Variants in PYROXD1 observed in about 807,000 individuals in gnomAD.
PYROXD1 encodes the protein tRNA ligase complex-associated NAD(P)H dehydrogenase PYROXD1.
In PYROXD1, 42 loss-of-function variants were observed where a neutral mutation model predicts 62.0. The observed-to-expected ratio is 0.68, with a 90% confidence interval of 0.53 to 0.88. The LOEUF (loss-of-function observed/expected upper bound fraction) is 0.88. Ranked by LOEUF, PYROXD1 falls within the 40% of genes least tolerant of loss-of-function variation. The pLI is 0.00. For missense variants in PYROXD1, 493 were observed against 604.8 expected (o/e 0.82, Z 1.94); for synonymous variants, 170 against 206.4 (o/e 0.82, Z 1.51).
chr12:21,447,413 A>T (rs1418246304), intron 3 of PYROXD1: 1 of 152,214 alleles, frequency 6.6e-6, no homozygotes, highest in Admixed American at 6.5e-5. Context: ...GGGCTCTCAA[A>T]ATATGCTAAA....
rs375078472 is a variant in PYROXD1, at chr12:21,447,208, T to C, written c.285+1742T>C. Among the ~76,000 whole-genome samples, 126 of 152,332 alleles carry C rather than the reference T, an allele frequency of 8.3e-4. 1 individual carries two copies. In the South Asian group the frequency reaches 0.025, roughly 31 times the overall value. ...TGAGTTCTAGCTCATAAATTAGAGA[T>C]GTGTTTTATCTCCTTTAGGGATAAA... is the stretch of plus-strand genomic sequence containing the variant. On this transcript the variant is annotated intron_variant, in intron 3 of 11. Coordinates refer to ENST00000240651, the MANE Select transcript of PYROXD1 (RefSeq NM_024854.5).
intron 10 of PYROXD1, among the ~76,000 whole-genome samples, chr12:21,466,511 AT>A (rs1243339632): frequency 6.6e-6 from 1 of 152,098 alleles, no homozygotes; most frequent in African/African-American, 2.4e-5. Context: ...TTGCACATTG[AT>A]TTTGTATCCT....
chr12:21,455,369 T>A, intron 6 of PYROXD1, 77 bp downstream of exon 6: 1 of 890,658 alleles, frequency 1.1e-6, no homozygotes, highest in Non-Finnish European at 1.6e-6. Flanking sequence ...ACAAGAAAAT[T>A]TAATAAAATA....
Position 21,470,711 on chromosome 12 carries a change from C to A in PYROXD1, c.*1957C>A. 3.1e-6 allele frequency: 1 copy of A among 323,170 alleles called. No individual in the cohort carries two copies. The highest frequency in any genetic ancestry group is 5.6e-5 in the East Asian group (1 of 17,786). 20.0% of individuals were successfully genotyped at this position (323,170 alleles called of 1,614,324 possible). A position where few individuals can be genotyped will look rare whatever the true frequency, so the allele number is the denominator to read the frequency against. ...AACCAAATAAGAGCAGAGTGCATAA[C>A]AAAATTAGATATTCAAACGGAGTCC... On this transcript the variant is annotated 3_prime_UTR_variant, in exon 12 of 12. Coordinates refer to ENST00000240651, the MANE Select transcript of PYROXD1 (RefSeq NM_024854.5).
intron 7 of PYROXD1, among the ~76,000 whole-genome samples, chr12:21,456,370 G>A (rs937959781): frequency 6.6e-6 from 1 of 152,032 alleles, no homozygotes; most frequent in Non-Finnish European, 1.5e-5. Context: ...AGTATTGCAG[G>A]TTCAGTCCCA....
At chr12:21,437,847 C>T (rs762036054) in intron 1 of PYROXD1, 33 bp downstream of exon 1, 24 of 1,593,130 alleles carry the variant, frequency 1.5e-5, no homozygotes, top group East Asian at 1.1e-4. Context: ...CCGCCTCTTT[C>T]CCCGACCCCA....
intron 7 of PYROXD1, 93 bp from the exon 8 acceptor site, chr12:21,460,932 C>A: frequency 1.3e-6 from 1 of 777,410 alleles, no homozygotes; most frequent in Non-Finnish European, 1.9e-6. Context: ...GTTTTCTATA[C>A]ATTTCTACAA....
At chr12:21,468,476 T>C (rs201100758) in intron 11 of PYROXD1, 30 bp from the exon 12 acceptor site, 2 of 1,588,084 alleles carry the variant, frequency 1.3e-6, no homozygotes, top group East Asian at 2.3e-5. Context: ...ATGATACTCA[T>C]GACAATAACC....
At chr12:21,451,869 C>T (rs966117296) in intron 4 of PYROXD1, among the ~76,000 whole-genome samples, 1 of 152,008 alleles carries the variant, frequency 6.6e-6, no homozygotes, top group Non-Finnish European at 1.5e-5. Flanking sequence ...AGAGGCATTG[C>T]TATAAAGGCA....
intron 8 of PYROXD1, 43 bp from the exon 9 acceptor site, chr12:21,461,965 A>C: frequency 8.1e-7 from 1 of 1,230,438 alleles, no homozygotes; most frequent in Non-Finnish European, 1.2e-6. Flanking sequence ...TGATGGTTCC[A>C]TTTACAAATA....
intron 10 of PYROXD1, among the ~76,000 whole-genome samples, chr12:21,463,949 T>C (rs968365690): frequency 1.3e-5 from 2 of 152,158 alleles, no homozygotes; most frequent in African/African-American, 4.8e-5. Flanking sequence ...CATTATTCAT[T>C]CAGATTATGC....
intron 5 of PYROXD1, among the ~76,000 whole-genome samples, chr12:21,454,368 G>A (rs2137266328): frequency 6.6e-6 from 1 of 152,046 alleles, no homozygotes; most frequent in East Asian, 1.9e-4. Context: ...TCCACCAGTT[G>A]TACCAAAAAT....
In PYROXD1 at chr12:21,462,314, T is replaced by G. The variant is rs3825289; in HGVS notation, c.993+194T>G. ...TAAAATCCTTACATAGTTATATCCT[T>G]GCATAAGCGTCATCAGTAATGGTTT... On this transcript the variant is annotated intron_variant, in intron 9 of 11. Transcript: ENST00000240651. 0.49 allele frequency among the ~76,000 whole-genome samples: 74,739 copies of G among 151,884 alleles called. 18,443 individuals are homozygous for G. The highest frequency in any genetic ancestry group is 0.59 in the Middle Eastern group (173 of 294).
Position 21,451,412 on chromosome 12 carries a change from G to A in PYROXD1, c.415-669G>A, listed in dbSNP as rs1011194537. Among the ~76,000 whole-genome samples the A allele has an allele frequency of 4.0e-5, 6 of 151,674 alleles. No individual in the cohort carries two copies. In the South Asian group the frequency reaches 8.4e-4, roughly 21 times the overall value. ...GATCTTTTTTTTCTGGGGGGTGGAG[G>A]CATCAATGTATCTGTCTTAGAATGT... On this transcript the variant is annotated intron_variant, in intron 4 of 11. Transcript: ENST00000240651.
chr12:21,461,502 A>C (rs539278383), intron 8 of PYROXD1, among the ~76,000 whole-genome samples: 1 of 152,316 alleles, frequency 6.6e-6, no homozygotes, highest in East Asian at 1.9e-4. Context: ...ACTAAGATGC[A>C]GCTCTCCTAA....
At chr12:21,458,125 A>G (rs1317008156) in intron 7 of PYROXD1, among the ~76,000 whole-genome samples, 2 of 152,108 alleles carry the variant, frequency 1.3e-5, no homozygotes, top group Non-Finnish European at 2.9e-5. Flanking sequence ...ATCTTTTTCC[A>G]CTGGAAGGCT....
chr12:21,452,201 T>C, intron 5 of PYROXD1, 47 bp downstream of exon 5: 4 of 1,203,158 alleles, frequency 3.3e-6, no homozygotes, highest in South Asian at 2.1e-5. Context: ...TGTTTAAAAA[T>C]AATTTGTTTT....
At chr12:21,439,355 A>G (rs2137235910) in intron 1 of PYROXD1, among the ~76,000 whole-genome samples, 1 of 152,326 alleles carries the variant, frequency 6.6e-6, no homozygotes, top group East Asian at 1.9e-4. Context: ...AGTTTTGAGG[A>G]CCTCATCTAG....
intron 10 of PYROXD1, among the ~76,000 whole-genome samples, chr12:21,465,379 GTA>G (rs1291983418): frequency 6.6e-6 from 1 of 152,144 alleles, no homozygotes; most frequent in Non-Finnish European, 1.5e-5. Flanking sequence ...GTGTGAGATG[GTA>G]TCTCACTGTG....
Sources: gnomAD v4.1 joint callset for allele counts (sites outside exome capture counted in the v4.1 genomes callset) on GRCh38, gnomAD v4.1.1 for gene constraint, MANE v1.5 for transcripts, NCBI Gene and HGNC (gene_info 2026-07-23, HGNC 2026-07-21) for gene names.